PCDH11Y: variants seen among roughly 807,000 people sequenced by gnomAD.
PCDH11Y encodes the protein protocadherin 11 Y-linked, also known as protocadherin-11 Y-linked.
For missense variants in PCDH11Y, 12 were observed against 224.8 expected, an observed-to-expected ratio of 0.05 and a Z score of 6.05; for synonymous variants, 9 against 83.6, an observed-to-expected ratio of 0.11 and a Z score of 4.87.
intron 2 of PCDH11Y, among the ~76,000 whole-genome samples, chrY:5,128,122 T>A: frequency 3.0e-5 from 1 of 32,939 alleles, no homozygotes; most frequent in Admixed American, 2.8e-4. Context: ...TCTATGTACA[T>A]ATAAGATCTT....
At chrY:5,320,672 C>G in intron 2 of PCDH11Y, among the ~76,000 whole-genome samples, 2 of 33,351 alleles carry the variant, frequency 6.0e-5, no homozygotes, top group African/African-American at 2.3e-4. Context: ...CACGATGTTT[C>G]CCTTACATAT....
At position 5,180,843 on chromosome Y, in the gene PCDH11Y, C is replaced by T. The variant is rs568607341; in HGVS notation, c.3129+80136C>T. ...CATGAGCTGGGCCTCTTGAAGGCAGCATACCAATGGGTTTGGCTCTTTATC... is the reference window on the plus strand; with the variant it reads ...CATGAGCTGGGCCTCTTGAAGGCAGTATACCAATGGGTTTGGCTCTTTATC... On this transcript the variant is annotated intron_variant, in intron 2 of 4. Coordinates refer to the PCDH11Y transcript ENST00000400457. Among the ~76,000 whole-genome samples the T allele has an allele frequency of 9.1e-5, 3 of 33,078 alleles. No homozygotes were observed. In the South Asian group the frequency reaches 2.1e-3, roughly 23 times the overall value. 88.7% of individuals were successfully genotyped at this position (33,078 alleles called of 37,273 possible). A position where few individuals can be genotyped will look rare whatever the true frequency, so the allele number is the denominator to read the frequency against.
chrY:5,720,729 G>A, intron 4 of PCDH11Y, among the ~76,000 whole-genome samples: 2 of 32,585 alleles, frequency 6.1e-5, no homozygotes, highest in Non-Finnish European at 1.5e-4. Context: ...TATCCTAAGA[G>A]CAAACAGCAA....
At chrY:5,530,033 G>C in intron 3 of PCDH11Y, among the ~76,000 whole-genome samples, 1 of 33,165 alleles carries the variant, frequency 3.0e-5, no homozygotes, top group Admixed American at 2.8e-4. Flanking sequence ...ATGAATAAAA[G>C]TTGTACGTTA....
At chrY:5,491,075 C>T (rs377565422) in intron 2 of PCDH11Y, among the ~76,000 whole-genome samples, 315 of 33,532 alleles carry the variant, frequency 9.4e-3, no homozygotes, top group South Asian at 0.038. Context: ...GCCTGGGTGC[C>T]ATAGATGTCA....
At chrY:5,225,017 T>C in intron 2 of PCDH11Y, among the ~76,000 whole-genome samples, 1 of 28,957 alleles carries the variant, frequency 3.5e-5, no homozygotes, top group Non-Finnish European at 8.2e-5. Flanking sequence ...TATATATCTA[T>C]GGGGTACATG....
intron 2 of PCDH11Y, among the ~76,000 whole-genome samples, chrY:5,165,107 G>T: frequency 3.4e-5 from 1 of 29,283 alleles, no homozygotes; most frequent in East Asian, 8.9e-4. Context: ...AACAATTTTG[G>T]TTGGGAATTT....
chrY:5,653,967 TA>T (rs2053534066), intron 4 of PCDH11Y, among the ~76,000 whole-genome samples: 6 of 32,983 alleles, frequency 1.8e-4, no homozygotes, highest in African/African-American at 7.2e-4. Context: ...TCAACATTCT[TA>T]AAAAAAGAAT....
At chrY:5,655,587 A>G (rs2053535290) in intron 4 of PCDH11Y, among the ~76,000 whole-genome samples, 2 of 32,179 alleles carry the variant, frequency 6.2e-5, no homozygotes, top group African/African-American at 2.4e-4. Flanking sequence ...AATGATTTTC[A>G]TCTCTACCCA....
chrY:5,348,197 C>T (rs2124669939), intron 2 of PCDH11Y, among the ~76,000 whole-genome samples: 1 of 29,292 alleles, frequency 3.4e-5, no homozygotes, highest in Non-Finnish European at 8.1e-5. Flanking sequence ...AGTCCCTCAC[C>T]AGACTCTATT....
At chrY:5,672,382 G>A (rs892551930) in intron 4 of PCDH11Y, among the ~76,000 whole-genome samples, 2 of 30,634 alleles carry the variant, frequency 6.5e-5, no homozygotes, top group Admixed American at 3.0e-4. Context: ...AGAATTCAGC[G>A]TTGAAGTCGT....
At chrY:5,115,133 ATTTTTTTTTTTT>A (rs773841540) in intron 2 of PCDH11Y, among the ~76,000 whole-genome samples, 1 of 11,972 alleles carries the variant, frequency 8.4e-5, no homozygotes, top group Non-Finnish European at 1.9e-4. Context: ...AGAGAACCGC[ATTTTTTTTTTTT>A]TTTTTTTTTT....
intron 2 of PCDH11Y, among the ~76,000 whole-genome samples, chrY:5,197,991 T>TA (rs2052922746): frequency 7.0e-5 from 2 of 28,488 alleles, no homozygotes; most frequent in East Asian, 9.2e-4. Flanking sequence ...AAAAAAAAAT[T>TA]AAAAAAAAAA....
At chrY:5,722,611 A>G (rs2053595734) in intron 4 of PCDH11Y, among the ~76,000 whole-genome samples, 1 of 31,856 alleles carries the variant, frequency 3.1e-5, no homozygotes, top group East Asian at 8.1e-4. Flanking sequence ...TTTGGAGGGA[A>G]AAAAAAGACT....
chrY:5,711,806 G>A (rs207480507), intron 4 of PCDH11Y, among the ~76,000 whole-genome samples: 4 of 33,036 alleles, frequency 1.2e-4, no homozygotes, highest in Admixed American at 1.1e-3. Context: ...CAACAACAAC[G>A]AAAGATTCAA....
At chrY:5,591,198 C>T in intron 4 of PCDH11Y, among the ~76,000 whole-genome samples, 1 of 31,997 alleles carries the variant, frequency 3.1e-5, no homozygotes, top group Admixed American at 2.9e-4. Flanking sequence ...CCCATGGTGG[C>T]CTTGTGATAA....
chrY:5,520,103 C>A, intron 3 of PCDH11Y, among the ~76,000 whole-genome samples: 1 of 29,236 alleles, frequency 3.4e-5, no homozygotes. Context: ...CCTGTAATCC[C>A]AGCTACTTGG....
chrY:5,667,969 T>G (rs2124707972), intron 4 of PCDH11Y, among the ~76,000 whole-genome samples: 11 of 32,838 alleles, frequency 3.3e-4, no homozygotes, highest in Admixed American at 1.4e-3. Context: ...TTAAAATGTT[T>G]GCTCATAGGA....
intron 3 of PCDH11Y, among the ~76,000 whole-genome samples, chrY:5,046,434 G>T (rs2052639617): frequency 3.0e-5 from 1 of 33,655 alleles, no homozygotes; most frequent in Non-Finnish European, 7.4e-5. Context: ...GGGGGTCAGG[G>T]GTCAGGGACC....
Sources: allele counts gnomAD v4.1 joint callset (sites outside exome capture counted in the v4.1 genomes callset), GRCh38; gene constraint gnomAD v4.1.1; transcripts MANE v1.5; gene names NCBI Gene and HGNC (gene_info 2026-07-23, HGNC 2026-07-21).